PCDH9: variants seen among roughly 807,000 people sequenced by gnomAD.
The protein encoded by PCDH9 is protocadherin 9.
PCDH9 carries 24 observed loss-of-function variants against 70.6 expected under a neutral mutation model. That is an observed-to-expected ratio of 0.34 (90% CI 0.25 to 0.48). The LOEUF (loss-of-function observed/expected upper bound fraction) is 0.48. Among genes scored for constraint, PCDH9 ranks in the 20% least tolerant of loss-of-function variants. The pLI, the probability that PCDH9 is intolerant of heterozygous loss-of-function variation, is 0.99. For missense variants in PCDH9, 1,281 were observed against 1,503.6 expected (o/e 0.85, Z 2.45); for synonymous variants, 562 against 558.5 (o/e 1.01, Z -0.09).
At chr13:66,535,610 CT>C (rs1960665584) in intron 4 of PCDH9, among the ~76,000 whole-genome samples, 28 of 152,018 alleles carry the variant, frequency 1.8e-4, no homozygotes, top group Admixed American at 1.3e-3. Context: ...GAATTTCATA[CT>C]AAACTGGATT....
intron 4 of PCDH9, among the ~76,000 whole-genome samples, chr13:66,508,373 A>G (rs1959285025): frequency 6.6e-6 from 1 of 152,172 alleles, no homozygotes; most frequent in Non-Finnish European, 1.5e-5. Flanking sequence ...ACTAAATGCC[A>G]CTAATTGTTC....
chr13:66,509,688 A>G (rs1959371050), intron 4 of PCDH9, among the ~76,000 whole-genome samples: 1 of 152,146 alleles, frequency 6.6e-6, no homozygotes, highest in Non-Finnish European at 1.5e-5. Flanking sequence ...CCTGGGCTCA[A>G]GAAATCCTCC....
At chr13:66,855,891 T>C (rs1052581676) in intron 3 of PCDH9, among the ~76,000 whole-genome samples, 2 of 151,878 alleles carry the variant, frequency 1.3e-5, no homozygotes, top group Non-Finnish European at 1.5e-5. Flanking sequence ...ATAAGATCTA[T>C]TGAAAGGATA....
intron 2 of PCDH9, among the ~76,000 whole-genome samples, chr13:67,090,712 C>A (rs531027567): frequency 6.6e-6 from 1 of 151,378 alleles, no homozygotes; most frequent in East Asian, 1.9e-4. Context: ...TCAGAAAATA[C>A]GAAAAAAAGA....
chr13:66,786,223 A>T (rs2080077553), intron 3 of PCDH9, among the ~76,000 whole-genome samples: 1 of 152,174 alleles, frequency 6.6e-6, no homozygotes, highest in Non-Finnish European at 1.5e-5. Flanking sequence ...CCTATGCTAC[A>T]TACAGCCACA....
chr13:67,137,683 T>G (rs2087267430), intron 2 of PCDH9, among the ~76,000 whole-genome samples: 1 of 152,138 alleles, frequency 6.6e-6, no homozygotes, highest in African/African-American at 2.4e-5. Context: ...TTACAGAGTC[T>G]GCTAAAGCTA....
At chr13:66,911,533 T>C (rs559221847) in intron 2 of PCDH9, among the ~76,000 whole-genome samples, 1 of 152,196 alleles carries the variant, frequency 6.6e-6, no homozygotes, top group Non-Finnish European at 1.5e-5. Context: ...ATGGATGTTA[T>C]ATGAGTTTTA....
chr13:66,758,537 A>T (rs1367126508), intron 3 of PCDH9, among the ~76,000 whole-genome samples: 1 of 152,002 alleles, frequency 6.6e-6, no homozygotes, highest in Non-Finnish European at 1.5e-5. Context: ...ATAGAACATG[A>T]TAATTTATTC....
intron 3 of PCDH9, among the ~76,000 whole-genome samples, chr13:66,820,789 G>C (rs912344537): frequency 2.6e-5 from 4 of 152,122 alleles, no homozygotes; most frequent in African/African-American, 4.8e-5. Context: ...ATAAGTACGA[G>C]CTAAATTATG....
chr13:66,984,288 C>T (rs1292680666), intron 2 of PCDH9, among the ~76,000 whole-genome samples: 5 of 152,106 alleles, frequency 3.3e-5, no homozygotes. Flanking sequence ...ACAAGGGTTT[C>T]CTTAACAATT....
chr13:66,705,951 T>A (rs908191663), intron 3 of PCDH9, among the ~76,000 whole-genome samples: 2 of 152,210 alleles, frequency 1.3e-5, no homozygotes, highest in African/African-American at 4.8e-5. Flanking sequence ...TTTTAGACAA[T>A]TTCCTCTGAA....
chr13:67,036,855 C>T (rs950355580), intron 2 of PCDH9, among the ~76,000 whole-genome samples: 1 of 152,142 alleles, frequency 6.6e-6, no homozygotes, highest in African/African-American at 2.4e-5. Context: ...ATTCTCTAAG[C>T]GGAAGCCTTC....
chr13:67,026,639 T>C (rs1028863627), intron 2 of PCDH9, among the ~76,000 whole-genome samples: 2 of 152,066 alleles, frequency 1.3e-5, no homozygotes, highest in African/African-American at 4.8e-5. Context: ...TGTTTGCAGA[T>C]GACATGATTG....
At chr13:67,164,743 ATTGCTCTT>A (rs1367261000) in intron 2 of PCDH9, among the ~76,000 whole-genome samples, 2 of 152,132 alleles carry the variant, frequency 1.3e-5, no homozygotes, top group East Asian at 3.9e-4. Flanking sequence ...CTTTGAGCAA[ATTGCTCTT>A]CACAGCTTTG....
chr13:66,900,535 G>A (rs1189606409), intron 3 of PCDH9, among the ~76,000 whole-genome samples: 2 of 151,790 alleles, frequency 1.3e-5, no homozygotes, highest in African/African-American at 4.8e-5. Flanking sequence ...GACGTGCTTA[G>A]AATAGGGTCT....
intron 2 of PCDH9, among the ~76,000 whole-genome samples, chr13:67,195,970 A>T (rs2089053589): frequency 6.6e-6 from 1 of 152,172 alleles, no homozygotes; most frequent in African/African-American, 2.4e-5. Context: ...TGAGTGACTT[A>T]TATGATATGT....
chr13:67,192,488 C>T (rs1277804013), intron 2 of PCDH9, among the ~76,000 whole-genome samples: 1 of 152,082 alleles, frequency 6.6e-6, no homozygotes, highest in Non-Finnish European at 1.5e-5. Context: ...ACATATAAAA[C>T]CCATAGGTTT....
At chr13:66,777,629 C>G (rs1594047177) in intron 3 of PCDH9, among the ~76,000 whole-genome samples, 1 of 152,052 alleles carries the variant, frequency 6.6e-6, no homozygotes, top group South Asian at 2.1e-4. Context: ...AGTCAGGAAA[C>G]AACAGGTGCT....
At chr13:66,944,839 G>GTC (rs1424630385) in intron 2 of PCDH9, among the ~76,000 whole-genome samples, 5 of 148,120 alleles carry the variant, frequency 3.4e-5, no homozygotes, top group African/African-American at 1.3e-4. Flanking sequence ...GTGTGTGTGT[G>GTC]TGTGTGTGTG....
Sources: gnomAD v4.1 joint callset for allele counts (sites outside exome capture counted in the v4.1 genomes callset) on GRCh38, gnomAD v4.1.1 for gene constraint, MANE v1.5 for transcripts, NCBI Gene and HGNC (gene_info 2026-07-23, HGNC 2026-07-21) for gene names.